Variants in IL36B observed in about 807,000 individuals in gnomAD.
IL36B encodes the protein interleukin 36 beta, also known as interleukin-36 beta.
A neutral mutation model predicts 19.3 loss-of-function variants in IL36B; 23 were observed. The ratio of observed to expected loss-of-function variants is 1.19; its 90% CI spans 0.86 to 1.69. IL36B has a LOEUF of 1.69. Among genes scored for constraint, IL36B ranks in the 40% most tolerant of loss-of-function variants. The probability of loss-of-function intolerance (pLI) is 0.00; values close to 1 mark genes in which losing one functional copy is unlikely to be tolerated. For synonymous variants in IL36B, 59 were observed against 59.7 expected, an observed-to-expected ratio of 0.99 and a Z score of 0.05; for missense variants, 217 against 200.5, an observed-to-expected ratio of 1.08 and a Z score of -0.50.
chr2:113,029,786 A>C (rs1685039954), intron 3 of IL36B, among the ~76,000 whole-genome samples: 1 of 152,124 alleles, frequency 6.6e-6, no homozygotes. Context: ...AATGCAAAAG[A>C]TCAGCTCATT....
In IL36B at chr2:113,031,126, G is replaced by A. The variant is rs755811144; in HGVS notation, c.43C>T (p.Arg15Cys). The A allele has an allele frequency of 9.9e-6, 16 of 1,613,948 alleles. No homozygotes were observed. The Admixed American group carries it at 1.7e-4, about 17-fold the overall frequency. The stretch of plus-strand genomic sequence containing the variant: ...ACCCACACCATCTGTCGAGAATCAC[G>A]AATAGCATAGGATTTGGGTGCTGCC... The change falls in exon 3 of 6, where the codon CGT (arginine) becomes TGT (cysteine). Residue 15 changes from arginine (R) to cysteine (C), a missense_variant. By Grantham distance (180) the Arg-to-Cys change is radical (BLOSUM62 -3). Transcript: ENST00000259213.
chr2:113,031,125 C>A lies in IL36B; in HGVS notation c.44G>T (p.Arg15Leu). 1 of 1,614,092 alleles carries A rather than the reference C, an allele frequency of 6.2e-7. No homozygotes were observed. Among genetic ancestry groups the A allele is most frequent in the Non-Finnish European group, 8.5e-7 (1 of 1,179,930 alleles). ...GACCCACACCATCTGTCGAGAATCACGAATAGCATAGGATTTGGGTGCTGC... is the reference window on the plus strand; with the variant it reads ...GACCCACACCATCTGTCGAGAATCAAGAATAGCATAGGATTTGGGTGCTGC... Residue 15 changes from arginine to leucine, a missense_variant, in exon 3 of 6, where the codon CGT becomes CTT. By Grantham distance (102) the Arg-to-Leu change is moderately radical. Coordinates refer to ENST00000259213, the MANE Select transcript of IL36B (RefSeq NM_014438.5).
intron 1 of IL36B, among the ~76,000 whole-genome samples, chr2:113,033,149 G>T (rs1026183917): frequency 6.6e-6 from 1 of 152,180 alleles, no homozygotes; most frequent in East Asian, 1.9e-4. Context: ...CATTTATATG[G>T]TACAAATATT....
chr2:113,052,069 C>G (rs1402036399), intron 1 of IL36B, among the ~76,000 whole-genome samples: 1 of 152,052 alleles, frequency 6.6e-6, no homozygotes, highest in Non-Finnish European at 1.5e-5. Flanking sequence ...CGTGCCTCAG[C>G]CTCCCAAGTA....
intron 1 of IL36B, among the ~76,000 whole-genome samples, chr2:113,051,182 G>T (rs1027566153): frequency 2.0e-5 from 3 of 152,244 alleles, no homozygotes; most frequent in Non-Finnish European, 4.4e-5. Flanking sequence ...CAGGACCGGG[G>T]AGAATGGAGC....
At chr2:113,022,980 T>A (rs893402936) in intron 5 of IL36B, among the ~76,000 whole-genome samples, 23 of 152,150 alleles carry the variant, frequency 1.5e-4, no homozygotes, top group African/African-American at 4.8e-4. Flanking sequence ...AAATTAGAGT[T>A]GGTGGGCATG....
At chr2:113,046,417 G>T (rs1252186478) in intron 1 of IL36B, among the ~76,000 whole-genome samples, 1 of 152,104 alleles carries the variant, frequency 6.6e-6, no homozygotes, top group Admixed American at 6.6e-5. Context: ...CACCATGTTA[G>T]CCAGTATGGT....
At chr2:113,036,524 GA>G (rs919770136) in intron 1 of IL36B, among the ~76,000 whole-genome samples, 1 of 152,058 alleles carries the variant, frequency 6.6e-6, no homozygotes, top group African/African-American at 2.4e-5. Flanking sequence ...CCCTTGATAT[GA>G]AGCTCAGTTT....
At chr2:113,029,125 C>G in intron 3 of IL36B, 47 bp from the exon 4 acceptor site, 4 of 1,585,766 alleles carry the variant, frequency 2.5e-6, no homozygotes, top group Non-Finnish European at 3.4e-6. Flanking sequence ...TCTTTCTGGT[C>G]TGACACTCAG....
rs371242613 is a variant in IL36B, at chr2:113,045,244, C to A, written c.-58+7573G>T. Among the ~76,000 whole-genome samples, 3 of 152,236 alleles carry A rather than the reference C, an allele frequency of 2.0e-5. No homozygotes were observed. In the South Asian group the frequency reaches 6.2e-4, roughly 32 times the overall value. On this transcript the variant is annotated intron_variant, in intron 1 of 5. Coordinates refer to ENST00000259213, the MANE Select transcript of IL36B (RefSeq NM_014438.5). The stretch of plus-strand genomic sequence containing the variant: ...AAAGATTTTTTGCTGGTTATAACCG[C>A]AAAAGCATAATTGACAATGTTTTTT...
chr2:113,027,186 A>G (rs779635293), intron 4 of IL36B, among the ~76,000 whole-genome samples: 2 of 152,160 alleles, frequency 1.3e-5, no homozygotes, highest in African/African-American at 2.4e-5. Flanking sequence ...ATAACAATCT[A>G]TCCTCATTAT....
intron 1 of IL36B, among the ~76,000 whole-genome samples, chr2:113,040,148 G>A (rs1161806034): frequency 1.3e-5 from 2 of 152,198 alleles, no homozygotes; most frequent in African/African-American, 4.8e-5. Context: ...TACATTAATG[G>A]AATAAAGGAG....
At chr2:113,030,372 TG>T (rs745578748) in intron 3 of IL36B, among the ~76,000 whole-genome samples, 9 of 151,962 alleles carry the variant, frequency 5.9e-5, no homozygotes, top group South Asian at 2.1e-4. Context: ...AATAGAAGGT[TG>T]GGGGGGAGTA....
At chr2:113,027,965 A>G in intron 4 of IL36B, 1 of 1,614,212 alleles carries the variant, frequency 6.2e-7, no homozygotes, top group Non-Finnish European at 8.5e-7. Flanking sequence ...TTGGTGAGAA[A>G]GATGGGCTGT....
At chr2:113,028,086 C>T (rs748873308) in intron 4 of IL36B, 1 of 1,613,994 alleles carries the variant, frequency 6.2e-7, no homozygotes, top group African/African-American at 1.3e-5. Context: ...GTGCTTTCTT[C>T]TCCACATACA....
chr2:113,027,405 A>G, intron 4 of IL36B, 28 bp downstream of exon 5: 2 of 935,138 alleles, frequency 2.1e-6, no homozygotes, highest in Non-Finnish European at 2.6e-6. Context: ...TGTGTGTCAA[A>G]TTATTAACGA....
intron 5 of IL36B, among the ~76,000 whole-genome samples, chr2:113,023,584 G>T (rs908494199): frequency 6.6e-6 from 1 of 152,170 alleles, no homozygotes; most frequent in African/African-American, 2.4e-5. Context: ...TCTGTCAGCT[G>T]CACAGTCTTT....
chr2:113,037,683 T>G (rs1448418136), intron 1 of IL36B, among the ~76,000 whole-genome samples: 1 of 152,144 alleles, frequency 6.6e-6, no homozygotes, highest in African/African-American at 2.4e-5. Flanking sequence ...GTCTATACTT[T>G]CTGATTTTGT....
intron 1 of IL36B, among the ~76,000 whole-genome samples, chr2:113,039,663 GA>G (rs1245128696): frequency 2.0e-5 from 3 of 152,120 alleles, no homozygotes; most frequent in African/African-American, 7.2e-5. Context: ...GAGGTATCAG[GA>G]AAAAAAGCAA....
Sources: gnomAD v4.1 joint callset for allele counts (sites outside exome capture counted in the v4.1 genomes callset) on GRCh38, gnomAD v4.1.1 for gene constraint, MANE v1.5 for transcripts, NCBI Gene and HGNC (gene_info 2026-07-23, HGNC 2026-07-21) for gene names.